ATG7: variants seen among roughly 807,000 people sequenced by gnomAD.
ATG7 encodes the protein ubiquitin-like modifier-activating enzyme ATG7.
Under a neutral mutation model 82.4 loss-of-function variants are expected in ATG7, and 70 were observed. The observed-to-expected ratio is 0.85, with a 90% CI of 0.70 to 1.04. The LOEUF (loss-of-function observed/expected upper bound fraction) is 1.04. Among genes scored for constraint, ATG7 ranks in the 50% least tolerant of loss-of-function variants. The probability of loss-of-function intolerance (pLI) is 0.00; values close to 1 mark genes in which losing one functional copy is unlikely to be tolerated. For synonymous variants in ATG7, 287 were observed against 313.0 expected, an observed-to-expected ratio of 0.92 and a Z score of 0.88; for missense variants, 792 against 864.3, an observed-to-expected ratio of 0.92 and a Z score of 1.05.
At position 11,360,714 on chromosome 3, in the gene ATG7, C is replaced by T. The variant is rs763034902; in HGVS notation, c.1613C>T (p.Ser538Leu). Residue 538 changes from serine to leucine, a missense_variant, in exon 16 of 21, where the codon TCG (serine) becomes TTG (leucine). Ser to Leu is a moderately radical substitution (Grantham distance 145, BLOSUM62 -2). Transcript: ENST00000693202. ...GCATCTGCTGACCTCCTGGGCTCAT[C>T]GCTTTTTGCCAACATCCCTGGTTAC... The part of the protein sequence containing the change: ...PVASADLLGS[S>L]LFANIPGYKL... 6.2e-6 allele frequency: 10 copies of T among 1,614,056 alleles called. 1 individual carries two copies. Among genetic ancestry groups the T allele is most frequent in the South Asian group, 4.4e-5 (4 of 91,094 alleles).
chr3:11,341,997 C>T, intron 12 of ATG7, 138 bp from the exon 13 acceptor site: 1 of 1,036,686 alleles, frequency 9.6e-7, no homozygotes, highest in Non-Finnish European at 1.3e-6. Flanking sequence ...CCCTGCTTAC[C>T]CTCCAGTTTA....
chr3:11,413,610 G>A (rs1559568455), intron 19 of ATG7, among the ~76,000 whole-genome samples: 1 of 152,186 alleles, frequency 6.6e-6, no homozygotes, highest in Non-Finnish European at 1.5e-5. Flanking sequence ...ATTCAGCAAA[G>A]TAGCAGAATG....
chr3:11,322,492 C>T (rs1328918279), intron 9 of ATG7, among the ~76,000 whole-genome samples: 1 of 152,118 alleles, frequency 6.6e-6, no homozygotes, highest in African/African-American at 2.4e-5. Flanking sequence ...TATTCTTTTA[C>T]ATTTTTAGGT....
At chr3:11,401,278 G>C (rs1321693856) in intron 19 of ATG7, among the ~76,000 whole-genome samples, 1 of 152,168 alleles carries the variant, frequency 6.6e-6, no homozygotes, top group Non-Finnish European at 1.5e-5. Context: ...TTTGTAGAAT[G>C]ACTTTAGAAA....
At position 11,462,031 on chromosome 3, in the gene ATG7, C is replaced by CA. The variant is rs202025031; in HGVS notation, c.2079+35114dup. Among the ~76,000 whole-genome samples the CA allele has an allele frequency of 4.2e-3, 624 of 148,494 alleles. 6 individuals are homozygous for CA. The highest frequency in any genetic ancestry group is 0.014 in the African/African-American group (562 of 40,466). ...GGGTGACAGAGTGAGACTCTGTCTC[C>CA]AAAAAAAAAGAAAGAAAGATGTGGA... On this transcript the variant is annotated intron_variant, in intron 20 of 20. Transcript: ENST00000693202.
At chr3:11,454,562 C>G (rs1393114374) in intron 20 of ATG7, among the ~76,000 whole-genome samples, 4 of 152,198 alleles carry the variant, frequency 2.6e-5, no homozygotes. Context: ...GTATTGTTCT[C>G]TAAGCCCAGA....
At chr3:11,531,498 T>C (rs1435757598) in intron 20 of ATG7, among the ~76,000 whole-genome samples, 6 of 152,194 alleles carry the variant, frequency 3.9e-5, no homozygotes, top group Non-Finnish European at 7.3e-5. Flanking sequence ...TCTGTAGATT[T>C]CCTTAAGCCC....
intron 20 of ATG7, among the ~76,000 whole-genome samples, chr3:11,492,805 A>C (rs2090489202): frequency 6.6e-6 from 1 of 152,372 alleles, no homozygotes; most frequent in East Asian, 1.9e-4. Context: ...TAGGCCAGCA[A>C]GTGCAGGAAC....
chr3:11,395,300 A>G (rs1490700011), intron 19 of ATG7, among the ~76,000 whole-genome samples: 2 of 152,242 alleles, frequency 1.3e-5, no homozygotes, highest in African/African-American at 4.8e-5. Flanking sequence ...CTAGAAAAAA[A>G]GAAATAATGG....
chr3:11,446,408 T>C (rs2084555537), intron 20 of ATG7: 1 of 331,598 alleles, frequency 3.0e-6, no homozygotes, highest in Non-Finnish European at 5.8e-6. Flanking sequence ...AATCTACTTT[T>C]GTAAATGCGT....
chr3:11,370,622 G>C lies in ATG7; in HGVS notation c.1875+5888G>C, dbSNP rs557364277. The stretch of plus-strand genomic sequence containing the variant: ...GCAACTGTGCTTTCTCAGAATGGCT[G>C]TTTGTTGCTGGGCATTGGATCTTAG... On this transcript the variant is annotated intron_variant, in intron 18 of 20. Coordinates refer to ENST00000693202, the MANE Select transcript of ATG7 (RefSeq NM_001349232.2). Among the ~76,000 whole-genome samples, 3 of 151,312 alleles carry C rather than the reference G, an allele frequency of 2.0e-5. No individual in the cohort carries two copies. The South Asian group carries it at 6.3e-4, about 32-fold the overall frequency.
At chr3:11,452,873 A>G (rs766325753) in intron 20 of ATG7, among the ~76,000 whole-genome samples, 3 of 152,180 alleles carry the variant, frequency 2.0e-5, no homozygotes, top group Admixed American at 6.5e-5. Flanking sequence ...GTTACCAGCA[A>G]TATTTCACAT....
At chr3:11,433,117 C>T (rs998974619) in intron 20 of ATG7, among the ~76,000 whole-genome samples, 1 of 151,786 alleles carries the variant, frequency 6.6e-6, no homozygotes, top group Non-Finnish European at 1.5e-5. Context: ...GATGGTGAGC[C>T]TCTGTCTCTA....
At chr3:11,467,444 T>C (rs1380258587) in intron 20 of ATG7, among the ~76,000 whole-genome samples, 1 of 152,218 alleles carries the variant, frequency 6.6e-6, no homozygotes. Flanking sequence ...TGGTGCGATC[T>C]CGGCTTACTG....
chr3:11,357,932 C>A (rs991033094), intron 14 of ATG7, among the ~76,000 whole-genome samples: 2 of 151,310 alleles, frequency 1.3e-5, no homozygotes, highest in Admixed American at 6.6e-5. Context: ...TCCCTTGAGC[C>A]CAAGAGGTCA....
At chr3:11,566,473 A>G in the ATG7 span, among the ~76,000 whole-genome samples, 1 of 152,132 alleles carries the variant, frequency 6.6e-6, no homozygotes, top group African/African-American at 2.4e-5. Context: ...GGCAAATCCA[A>G]CCACATCCAG....
chr3:11,451,878 CACACACAG>C (rs1559652932), intron 20 of ATG7, among the ~76,000 whole-genome samples: 2 of 139,824 alleles, frequency 1.4e-5, no homozygotes, highest in Admixed American at 7.7e-5. Context: ...CATACACACA[CACACACAG>C]ACACACACAC....
At chr3:11,560,566 C>T (rs751414066), downstream of ATG7, among the ~76,000 whole-genome samples, 10 of 152,132 alleles carry the variant, frequency 6.6e-5, no homozygotes, top group South Asian at 6.2e-4. Context: ...TCATGATAGA[C>T]GACAGTGATT....
chr3:11,541,189 C>T (rs745521511), intron 20 of ATG7, among the ~76,000 whole-genome samples: 39 of 152,164 alleles, frequency 2.6e-4, no homozygotes, highest in Non-Finnish European at 4.1e-4. Context: ...CGTGAGCCAT[C>T]GCGCCCGGCT....
Sources: gnomAD v4.1 joint callset for allele counts (sites outside exome capture counted in the v4.1 genomes callset) on GRCh38, gnomAD v4.1.1 for gene constraint, MANE v1.5 for transcripts, NCBI Gene and HGNC (gene_info 2026-07-23, HGNC 2026-07-21) for gene names.